Variants in FAM163A observed in about 807,000 individuals in gnomAD.
FAM163A encodes the protein protein FAM163A.
FAM163A carries 7 observed loss-of-function variants against 12.0 expected under a neutral mutation model. The observed-to-expected ratio is 0.58, with a 90% CI of 0.33 to 1.10. The LOEUF (loss-of-function observed/expected upper bound fraction) is 1.10. Among genes scored for constraint, FAM163A ranks in the 50% least tolerant of loss-of-function variants. The pLI is 0.03. For missense variants in FAM163A, 202 were observed against 218.6 expected (o/e 0.92, Z 0.48); for synonymous variants, 101 against 91.0 (o/e 1.11, Z -0.62).
chr1:179,733,188 T>C, the FAM163A span, among the ~76,000 whole-genome samples: 1 of 152,018 alleles, frequency 6.6e-6, no homozygotes, highest in Non-Finnish European at 1.5e-5. Flanking sequence ...CCTTAATACA[T>C]AGGGAGTATT....
chr1:179,764,015 G>T (rs1378932667), intron 1 of FAM163A, among the ~76,000 whole-genome samples: 2 of 152,210 alleles, frequency 1.3e-5, no homozygotes, highest in Admixed American at 1.3e-4. Context: ...GAGACAGAGA[G>T]AGAGAGTGCA....
In FAM163A at chr1:179,805,773, G is replaced by A. The variant is rs1693849959; in HGVS notation, c.-135-2025G>A. On this transcript the variant is annotated intron_variant, in intron 1 of 4. Transcript: ENST00000341785. ...GGGATCGAAATTCGGGGTTCTTACT[G>A]GTTAGAGAGCTTAGAGAAACTTAAA... Among the ~76,000 whole-genome samples the A allele has an allele frequency of 5.3e-5, 8 of 152,270 alleles. No homozygotes were observed. In the South Asian group the frequency reaches 1.7e-3, roughly 32 times the overall value.
chr1:179,728,344 G>T, the FAM163A span, among the ~76,000 whole-genome samples: 3 of 152,156 alleles, frequency 2.0e-5, no homozygotes. Flanking sequence ...TTCAGGAATT[G>T]TAAATGGAAG....
intron 1 of FAM163A, among the ~76,000 whole-genome samples, chr1:179,790,218 CTT>C (rs1168192716): frequency 0.026 from 2,413 of 91,590 alleles, 51 homozygotes; most frequent in African/African-American, 0.11. Context: ...AGCTGACTTC[CTT>C]TTTTTTTTTT....
intron 1 of FAM163A, among the ~76,000 whole-genome samples, chr1:179,804,760 C>T (rs959561458): frequency 2.0e-5 from 3 of 152,032 alleles, no homozygotes; most frequent in African/African-American, 7.3e-5. Context: ...ATGATGAGAA[C>T]CCATGAACAC....
intron 1 of FAM163A, among the ~76,000 whole-genome samples, chr1:179,776,660 C>T (rs1689025124): frequency 6.6e-6 from 1 of 152,086 alleles, no homozygotes; most frequent in Admixed American, 6.5e-5. Flanking sequence ...TCTGCCTGGT[C>T]GACTGTCAAA....
chr1:179,776,345 G>C (rs902307476), intron 1 of FAM163A, among the ~76,000 whole-genome samples: 5 of 152,016 alleles, frequency 3.3e-5, no homozygotes, highest in African/African-American at 1.2e-4. Context: ...ACAAAAATTA[G>C]CTGGGCATGG....
At chr1:179,753,503 T>C (rs1685570738) in intron 1 of FAM163A, among the ~76,000 whole-genome samples, 2 of 152,204 alleles carry the variant, frequency 1.3e-5, no homozygotes, top group African/African-American at 4.8e-5. Flanking sequence ...AATGTTATTA[T>C]AGATGAAAGG....
chr1:179,771,123 T>C (rs979677191), intron 1 of FAM163A, among the ~76,000 whole-genome samples: 1 of 152,104 alleles, frequency 6.6e-6, no homozygotes, highest in Non-Finnish European at 1.5e-5. Flanking sequence ...ACCCTGCCAC[T>C]ACCACCCCAC....
intron 1 of FAM163A, among the ~76,000 whole-genome samples, chr1:179,753,977 T>C (rs1685649043): frequency 6.6e-6 from 1 of 152,244 alleles, no homozygotes; most frequent in Non-Finnish European, 1.5e-5. Context: ...TTAACTTTTA[T>C]CTTCACTGTC....
intron 1 of FAM163A, among the ~76,000 whole-genome samples, chr1:179,781,429 T>G (rs1490066302): frequency 3.3e-5 from 5 of 151,980 alleles, no homozygotes. Flanking sequence ...ACGTATTAGA[T>G]CCTCACAGAG....
chr1:179,760,128 G>A (rs1686617095), intron 1 of FAM163A, among the ~76,000 whole-genome samples: 1 of 152,216 alleles, frequency 6.6e-6, no homozygotes, highest in Non-Finnish European at 1.5e-5. Context: ...GTCCAGGCGA[G>A]AGTCTGAGGG....
intron 1 of FAM163A, among the ~76,000 whole-genome samples, chr1:179,754,708 G>T (rs1471748383): frequency 6.6e-6 from 1 of 152,218 alleles, no homozygotes; most frequent in Non-Finnish European, 1.5e-5. Flanking sequence ...AAAATGGCAG[G>T]TTATGGCGAT....
At chr1:179,780,929 A>G (rs538285106) in intron 1 of FAM163A, among the ~76,000 whole-genome samples, 2 of 152,294 alleles carry the variant, frequency 1.3e-5, no homozygotes, top group South Asian at 4.1e-4. Context: ...GCATTTGCTG[A>G]TTATAATATG....
chr1:179,740,902 G>A (rs1024514880), upstream of FAM163A, among the ~76,000 whole-genome samples: 1 of 152,118 alleles, frequency 6.6e-6, no homozygotes, highest in African/African-American at 2.4e-5. Context: ...ACTGGGTGAA[G>A]GGTACTTGCA....
At chr1:179,730,433 C>T in the FAM163A span, 1 of 152,192 alleles carries the variant, frequency 6.6e-6, no homozygotes, top group Non-Finnish European at 1.5e-5. Flanking sequence ...TCAGAAGCAA[C>T]ACTTAGACTC....
rs777440424 is a variant in FAM163A, at chr1:179,814,105, A to C, written c.420A>C (p.Ala140=). 3.1e-6 allele frequency: 5 copies of C among 1,614,084 alleles called. No homozygotes were observed. The African/African-American group carries it at 4.0e-5, about 13-fold the overall frequency. ...KEGGPPSLKL[A]APQSYPVTWP... ...GGGGACCCCCATCCCTCAAATTGGC[A>C]GCACCCCAGAGTTACCCGGTGACCT... Residue 140 remains alanine (A), a synonymous_variant, in exon 5 of 5, where the codon GCA becomes GCC. Coordinates refer to ENST00000341785, the MANE Select transcript of FAM163A (RefSeq NM_173509.3).
intron 1 of FAM163A, among the ~76,000 whole-genome samples, chr1:179,756,890 G>C (rs1229197264): frequency 1.3e-5 from 2 of 152,286 alleles, no homozygotes; most frequent in African/African-American, 4.8e-5. Flanking sequence ...GTTTGGGAGG[G>C]GCAGTACGGG....
At chr1:179,773,270 G>A (rs1034755337) in intron 1 of FAM163A, among the ~76,000 whole-genome samples, 1 of 152,102 alleles carries the variant, frequency 6.6e-6, no homozygotes, top group African/African-American at 2.4e-5. Flanking sequence ...TGATAGAACT[G>A]TTTTGTATCT....
Sources: gnomAD v4.1 joint callset for allele counts (sites outside exome capture counted in the v4.1 genomes callset) on GRCh38, gnomAD v4.1.1 for gene constraint, MANE v1.5 for transcripts, NCBI Gene and HGNC (gene_info 2026-07-23, HGNC 2026-07-21) for gene names.